ADCY1: variants seen among roughly 807,000 people sequenced by gnomAD.
The protein encoded by ADCY1 is adenylate cyclase 1, also known as adenylate cyclase type 1.
In ADCY1, 28 loss-of-function variants were observed where a neutral mutation model predicts 105.4. The ratio of observed to expected loss-of-function variants is 0.27; its 90% confidence interval spans 0.20 to 0.36. The LOEUF is 0.36. ADCY1 is among the 10% of genes least tolerant of loss of function. ADCY1 has a pLI of 1.00. For synonymous variants in ADCY1, 655 were observed against 623.8 expected (o/e 1.05, Z -0.75); for missense variants, 977 against 1,434.2 (o/e 0.68, Z 5.15).
rs1311154133 is a variant in ADCY1 at position 45,715,000 on chromosome 7, G to C, written c.*1005G>C. The C allele has an allele frequency of 1.3e-5, 2 of 152,216 alleles. No individual in the cohort carries two copies. The highest frequency in any genetic ancestry group is 2.4e-5 in the African/African-American group (1 of 41,450). The allele number at this position is 152,216 out of a possible 1,614,324, so 9.4% of individuals were successfully genotyped here. A position where few individuals can be genotyped will look rare whatever the true frequency, so the allele number is the denominator to read the frequency against. On this transcript the variant is annotated 3_prime_UTR_variant, in exon 20 of 20. Coordinates refer to ENST00000297323, the MANE Select transcript of ADCY1 (RefSeq NM_021116.4). ...CCTTGATGGAAGATGCTGTTTCTCC[G>C]GCAGAACCAACCCTCCAGGACGAAG...
At chr7:45,665,317 G>A (rs945901194) in intron 8 of ADCY1, among the ~76,000 whole-genome samples, 13 of 152,230 alleles carry the variant, frequency 8.5e-5, no homozygotes, top group Non-Finnish European at 1.8e-4. Flanking sequence ...AGAGAGTCAA[G>A]TGTCTGCCTG....
chr7:45,656,956 G>A (rs565951655), intron 5 of ADCY1, among the ~76,000 whole-genome samples: 2 of 152,322 alleles, frequency 1.3e-5, no homozygotes, highest in East Asian at 3.9e-4. Flanking sequence ...GCTGGAGCTG[G>A]GTGTATACAC....
intron 8 of ADCY1, among the ~76,000 whole-genome samples, chr7:45,667,092 A>G (rs527534176): frequency 3.3e-5 from 5 of 152,022 alleles, no homozygotes; most frequent in South Asian, 2.1e-4. Flanking sequence ...TGTTCACTCT[A>G]CTGGTAGTTT....
At chr7:45,713,148 A>G (rs1439077609) in intron 19 of ADCY1, among the ~76,000 whole-genome samples, 4 of 152,256 alleles carry the variant, frequency 2.6e-5, no homozygotes, top group African/African-American at 9.6e-5. Flanking sequence ...TACATTCTGT[A>G]TGCCCTACTT....
At chr7:45,709,401 T>C (rs563574834) in intron 18 of ADCY1, among the ~76,000 whole-genome samples, 1 of 152,292 alleles carries the variant, frequency 6.6e-6, no homozygotes, top group East Asian at 1.9e-4. Context: ...TGGACAAGGA[T>C]CTCTCGGGGC....
chr7:45,574,693 C>T lies in ADCY1; in HGVS notation c.150C>T (p.Arg50=). 1 of 1,399,346 alleles carries T rather than the reference C, an allele frequency of 7.1e-7. No individual in the cohort carries two copies. Among genetic ancestry groups the T allele is most frequent in the Non-Finnish European group, 9.2e-7 (1 of 1,082,214 alleles). 86.7% of individuals were successfully genotyped at this position (1,399,346 alleles called of 1,614,324 possible). The part of the protein sequence containing the change: ...FACPELEALF[R]GYTLRLEQAA... Reference sequence around the variant, plus strand: ...GCCCAGAGCTGGAGGCGCTGTTCCGCGGCTACACGCTGCGGCTGGAGCAGG... The same window carrying T: ...GCCCAGAGCTGGAGGCGCTGTTCCGTGGCTACACGCTGCGGCTGGAGCAGG... The change falls in exon 1 of 20, where the codon CGC becomes CGT. Residue 50 remains arginine (R), a synonymous_variant. Coordinates refer to ENST00000297323, the MANE Select transcript of ADCY1 (RefSeq NM_021116.4). This position sits in a 1 kb window ranked among gnomAD's most constrained non-coding sequence, Gnocchi z 7.0.
At chr7:45,657,611 C>T in intron 5 of ADCY1, 116 bp from the exon 6 acceptor site, 1 of 1,125,710 alleles carries the variant, frequency 8.9e-7, no homozygotes, top group Non-Finnish European at 1.3e-6. Context: ...AGGCCACATG[C>T]AGCAAGGACA....
chr7:45,685,423 G>A (rs2247917), intron 12 of ADCY1, among the ~76,000 whole-genome samples: 89,740 of 150,976 alleles, frequency 0.59, 27,234 homozygotes, highest in East Asian at 0.79. Flanking sequence ...AAGGATGGAA[G>A]TGGGTGGGAG....
chr7:45,632,537 GAAATGTATAGTTT>G (rs1794285828), intron 4 of ADCY1, among the ~76,000 whole-genome samples: 1 of 122,092 alleles, frequency 8.2e-6, no homozygotes, highest in Non-Finnish European at 1.9e-5. Context: ...ACATTTCTCA[GAAATGTATAGTTT>G]TCAGTGTATA....
intron 4 of ADCY1, among the ~76,000 whole-genome samples, chr7:45,626,863 A>G (rs1794073110): frequency 6.6e-6 from 1 of 152,106 alleles, no homozygotes; most frequent in South Asian, 2.1e-4. Context: ...GCCACCACAG[A>G]GTGACAGCCT....
At chr7:45,677,846 C>T in intron 8 of ADCY1, 23 bp from the exon 9 acceptor site, 1 of 1,607,620 alleles carries the variant, frequency 6.2e-7, no homozygotes, top group Non-Finnish European at 8.5e-7. Flanking sequence ...GATGATACTC[C>T]TTTATTTCCA....
intron 19 of ADCY1, 116 bp from the exon 20 acceptor site, chr7:45,713,577 C>T: frequency 1.5e-6 from 1 of 651,484 alleles, no homozygotes. Context: ...CATCCCAGTG[C>T]CAGGGTTGGG....
chr7:45,632,564 ATTT>A (rs1794287862), intron 4 of ADCY1, among the ~76,000 whole-genome samples: 3 of 150,840 alleles, frequency 2.0e-5, no homozygotes, highest in Admixed American at 2.0e-4. Context: ...GTGTATATGT[ATTT>A]CTTTTTTCTT....
intron 14 of ADCY1, among the ~76,000 whole-genome samples, chr7:45,690,480 C>G (rs927337453): frequency 2.0e-5 from 3 of 152,202 alleles, no homozygotes; most frequent in Admixed American, 2.0e-4. Context: ...CAAAGAGGAA[C>G]TGGGAATGCT....
intron 8 of ADCY1, among the ~76,000 whole-genome samples, chr7:45,674,485 T>C (rs1293639165): frequency 6.6e-6 from 1 of 152,186 alleles, no homozygotes; most frequent in Non-Finnish European, 1.5e-5. Context: ...AGCAATTCTC[T>C]GCCTCACCCT....
chr7:45,720,280 G>A lies in ADCY1; in HGVS notation c.*6285G>A, dbSNP rs1785446893. 1 of 152,172 alleles carries A rather than the reference G, an allele frequency of 6.6e-6. No individual in the cohort carries two copies. The highest frequency in any genetic ancestry group is 1.5e-5 in the Non-Finnish European group (1 of 68,066). 9.4% of individuals were successfully genotyped at this position (152,172 alleles called of 1,614,324 possible). On this transcript the variant is annotated 3_prime_UTR_variant, in exon 20 of 20. Coordinates refer to ENST00000297323, the MANE Select transcript of ADCY1 (RefSeq NM_021116.4). ...AAGCCCAGCACTTTGGGAGGCGGAGGCGGGTGGATCCATTGAGGTCAGGAG... is the reference window on the plus strand; with the variant it reads ...AAGCCCAGCACTTTGGGAGGCGGAGACGGGTGGATCCATTGAGGTCAGGAG...
Position 45,641,698 on chromosome 7 carries a change from A to G in ADCY1, c.1021-6972A>G, listed in dbSNP as rs368597149. On this transcript the variant is annotated intron_variant, in intron 4 of 19. Coordinates refer to ENST00000297323, the MANE Select transcript of ADCY1 (RefSeq NM_021116.4). ...TCCCAGCACTTTGGGAGGCCGAGGCAGGTGGATCATGAGGTCAGGAGATCG... is the reference window on the plus strand; with the variant it reads ...TCCCAGCACTTTGGGAGGCCGAGGCGGGTGGATCATGAGGTCAGGAGATCG... Among the ~76,000 whole-genome samples, 440 of 151,462 alleles carry G rather than the reference A, an allele frequency of 2.9e-3. 2 individuals are homozygous for G. Among genetic ancestry groups the G allele is most frequent in the Non-Finnish European group, 5.3e-3 (360 of 67,870 alleles).
At chr7:45,689,225 C>A (rs1369691646) in intron 14 of ADCY1, among the ~76,000 whole-genome samples, 1 of 152,030 alleles carries the variant, frequency 6.6e-6, no homozygotes, top group African/African-American at 2.4e-5. Context: ...GCTGTCTGGG[C>A]AGAACAGGCC....
chr7:45,590,570 T>C (rs1199445381), intron 1 of ADCY1, among the ~76,000 whole-genome samples: 1 of 152,106 alleles, frequency 6.6e-6, no homozygotes, highest in Non-Finnish European at 1.5e-5. Flanking sequence ...CACCCTAACA[T>C]GCTCTGCGTT....
Sources: gnomAD v4.1 joint callset for allele counts (sites outside exome capture counted in the v4.1 genomes callset) on GRCh38, gnomAD v4.1.1 for gene constraint, Gnocchi (gnomAD v3.1) non-coding constraint, MANE v1.5 for transcripts, NCBI Gene and HGNC (gene_info 2026-07-23, HGNC 2026-07-21) for gene names.